The following PDE10A variants were observed in gnomAD, a reference collection of about 807,000 sequenced individuals.
The protein encoded by PDE10A is phosphodiesterase 10A.
In PDE10A, 39 loss-of-function variants were observed where a neutral mutation model predicts 97.7. The ratio of observed to expected loss-of-function variants is 0.40; its 90% CI spans 0.31 to 0.52. PDE10A has a LOEUF of 0.52. Among genes scored for constraint, PDE10A ranks in the 20% least tolerant of loss-of-function variants. The pLI is 0.56. For missense variants in PDE10A, 731 were observed against 1,047.8 expected (o/e 0.70, Z 4.17); for synonymous variants, 371 against 376.8 (o/e 0.98, Z 0.18).
At position 165,343,517 on chromosome 6, in the gene PDE10A, T is replaced by C. The variant is rs778880595; in HGVS notation, c.2784-15A>G. On this transcript the variant is annotated splice_polypyrimidine_tract_variant and intron_variant, in intron 18 of 21. Coordinates refer to ENST00000539869, the MANE Select transcript of PDE10A (RefSeq NM_001385079.1). The stretch of plus-strand genomic sequence containing the variant: ...TTACACGGTCTCTAGAACACAACAA[T>C]ATAAGACTGGTCAGCATAGCATTTG... 3 of 1,550,098 alleles carry C rather than the reference T, an allele frequency of 1.9e-6. No individual in the cohort carries two copies. Among genetic ancestry groups the C allele is most frequent in the Non-Finnish European group, 2.7e-6 (3 of 1,121,752 alleles).
At chr6:165,576,994 A>G (rs1404241395) in intron 1 of PDE10A, among the ~76,000 whole-genome samples, 10 of 152,224 alleles carry the variant, frequency 6.6e-5, no homozygotes. Flanking sequence ...TCCAATGTGC[A>G]TACCAGGCCT....
At chr6:165,857,473 GCATGC>G (rs1780770400) in intron 1 of PDE10A, among the ~76,000 whole-genome samples, 1 of 152,184 alleles carries the variant, frequency 6.6e-6, no homozygotes, top group Admixed American at 6.5e-5. Context: ...TCTCCTGAGC[GCATGC>G]CAAGTGCAGA....
Position 165,874,070 on chromosome 6 carries a change from G to C in PDE10A, c.-615+113459C>G, listed in dbSNP as rs377389701. Among the ~76,000 whole-genome samples the C allele has an allele frequency of 3.3e-4, 50 of 152,318 alleles. No homozygotes were observed. In the South Asian group the frequency reaches 0.01, roughly 31 times the overall value. On this transcript the variant is annotated intron_variant, in intron 1 of 19. Coordinates refer to the PDE10A transcript ENST00000366882. Reference sequence around the variant, plus strand: ...TGTGAGAAAATGAAGCATTATGGTAGTATTGTAAGGGCAAAGCAGTCAGGA... The same window carrying C: ...TGTGAGAAAATGAAGCATTATGGTACTATTGTAAGGGCAAAGCAGTCAGGA...
In PDE10A at chr6:165,630,280, G is replaced by A. The variant is rs530000424; in HGVS notation, c.865+31667C>T. Among the ~76,000 whole-genome samples, 16 of 152,248 alleles carry A rather than the reference G, an allele frequency of 1.1e-4. No individual in the cohort carries two copies. In the South Asian group the frequency reaches 1.7e-3, roughly 16 times the overall value. ...GGACAATCACTTGAGCCAGGGAAGC[G>A]GAGATTGAAGTAAGCCAAGATTGCA... On this transcript the variant is annotated intron_variant, in intron 1 of 21. Coordinates refer to ENST00000539869, the MANE Select transcript of PDE10A (RefSeq NM_001385079.1).
At position 165,655,937 on chromosome 6, in the gene PDE10A, C is replaced by T. The variant is rs1789932906; in HGVS notation, c.865+6010G>A. ...CCAGATAACTGCATGGCCGATGACA[C>T]CTTGTCACTCAGAGGCCATTTCTAC... is the stretch of plus-strand genomic sequence containing the variant. On this transcript the variant is annotated intron_variant, in intron 1 of 21. Transcript: ENST00000539869. The surrounding 1 kb of genome is among the most constrained non-coding windows in gnomAD (Gnocchi z 4.5). Among the ~76,000 whole-genome samples the T allele has an allele frequency of 6.6e-6, 1 of 152,040 alleles. No homozygotes were observed. The highest frequency in any genetic ancestry group is 2.4e-5 in the African/African-American group (1 of 41,378).
chr6:165,425,018 T>C (rs1375109536), intron 10 of PDE10A, among the ~76,000 whole-genome samples: 1 of 152,174 alleles, frequency 6.6e-6, no homozygotes, highest in Admixed American at 6.5e-5. Flanking sequence ...CCTGTTGATA[T>C]CTGTTGTTTC....
intron 1 of PDE10A, among the ~76,000 whole-genome samples, chr6:165,708,086 C>T (rs2128445230): frequency 6.6e-6 from 1 of 152,322 alleles, no homozygotes; most frequent in African/African-American, 2.4e-5. Context: ...TAAAACAGAA[C>T]TTTCTGGAAG....
chr6:165,966,349 G>T (rs1784510762), intron 1 of PDE10A, among the ~76,000 whole-genome samples: 1 of 152,204 alleles, frequency 6.6e-6, no homozygotes, highest in Non-Finnish European at 1.5e-5. Context: ...AGCCCAGTGT[G>T]AATTCACGTG....
At chr6:165,617,526 T>C (rs1367128167) in intron 1 of PDE10A, among the ~76,000 whole-genome samples, 3 of 152,072 alleles carry the variant, frequency 2.0e-5, no homozygotes, top group Non-Finnish European at 2.9e-5. Flanking sequence ...CGGCCATTAA[T>C]ATTAAATTAT....
chr6:165,338,518 T>C (rs1254019576), intron 20 of PDE10A, among the ~76,000 whole-genome samples: 1 of 152,152 alleles, frequency 6.6e-6, no homozygotes, highest in Non-Finnish European at 1.5e-5. Flanking sequence ...ATAAATTATG[T>C]AGTATGACCT....
chr6:165,608,289 T>C (rs1787323090), intron 1 of PDE10A, among the ~76,000 whole-genome samples: 2 of 113,196 alleles, frequency 1.8e-5, no homozygotes, highest in Admixed American at 1.3e-4. Context: ...GGCGCCAGTG[T>C]GTGATATACC....
chr6:165,453,797 C>G (rs1281485320), intron 3 of PDE10A, among the ~76,000 whole-genome samples: 11 of 152,168 alleles, frequency 7.2e-5, no homozygotes, highest in African/African-American at 2.7e-4. Flanking sequence ...CAGTGGAGCC[C>G]GCACAGACAG....
chr6:165,815,603 C>T (rs910721315), intron 1 of PDE10A, among the ~76,000 whole-genome samples: 1 of 152,022 alleles, frequency 6.6e-6, no homozygotes, highest in Non-Finnish European at 1.5e-5. Context: ...AGGTGGACGG[C>T]CAATGAAGAA....
chr6:165,334,159 A>G (rs777644161), intron 21 of PDE10A, among the ~76,000 whole-genome samples: 2 of 152,252 alleles, frequency 1.3e-5, no homozygotes, highest in African/African-American at 2.4e-5. Context: ...TAAGATTAAA[A>G]TGGCCTTTAA....
chr6:165,382,956 A>T (rs1785030178), intron 17 of PDE10A, among the ~76,000 whole-genome samples: 1 of 152,206 alleles, frequency 6.6e-6, no homozygotes, highest in Non-Finnish European at 1.5e-5. Context: ...GAATATAAGT[A>T]CAATAATTTT....
chr6:165,513,142 T>C (rs1024678158), intron 2 of PDE10A, among the ~76,000 whole-genome samples: 1 of 152,038 alleles, frequency 6.6e-6, no homozygotes, highest in Admixed American at 6.6e-5. Context: ...CCAAAGACCA[T>C]ACTTTTTTCT....
At chr6:165,466,002 A>C (rs1562493315) in intron 3 of PDE10A, among the ~76,000 whole-genome samples, 2 of 152,220 alleles carry the variant, frequency 1.3e-5, no homozygotes. Context: ...GGACAGAACG[A>C]TCATGGCTGA....
chr6:165,593,301 G>A (rs1400954878), intron 1 of PDE10A, among the ~76,000 whole-genome samples: 2 of 152,162 alleles, frequency 1.3e-5, no homozygotes, highest in Admixed American at 1.3e-4. Context: ...GCCTGTCATG[G>A]GGTGGGGGTT....
chr6:165,738,866 C>T (rs948181273), intron 1 of PDE10A, among the ~76,000 whole-genome samples: 1 of 151,914 alleles, frequency 6.6e-6, no homozygotes, highest in Admixed American at 6.6e-5. Context: ...CAACAAACCA[C>T]CAAAAGAGAA....
Sources: allele counts gnomAD v4.1 joint callset (sites outside exome capture counted in the v4.1 genomes callset), GRCh38; gene constraint gnomAD v4.1.1; non-coding constraint Gnocchi (gnomAD v3.1); transcripts MANE v1.5; gene names NCBI Gene and HGNC (gene_info 2026-07-23, HGNC 2026-07-21).